The following JAKMIP3 variants were observed in gnomAD, a reference collection of about 807,000 sequenced individuals.
JAKMIP3 encodes janus kinase and microtubule-interacting protein 3.
Under a neutral mutation model 118.5 loss-of-function variants are expected in JAKMIP3, and 58 were observed. The observed-to-expected ratio is 0.49, with a 90% CI of 0.40 to 0.61. JAKMIP3 has a LOEUF of 0.61. JAKMIP3 is among the 20% of genes least tolerant of loss of function. The pLI, the probability that JAKMIP3 is intolerant of heterozygous loss-of-function variation, is 0.00. For synonymous variants in JAKMIP3, 486 were observed against 451.2 expected (o/e 1.08, Z -0.98); for missense variants, 950 against 1,109.0 (o/e 0.86, Z 2.04).
chr10:132,037,913 G>T (rs573950205), intron 1 of JAKMIP3, among the ~76,000 whole-genome samples: 1 of 152,240 alleles, frequency 6.6e-6, no homozygotes, highest in Non-Finnish European at 1.5e-5. Flanking sequence ...AATTGGCCCC[G>T]AGTCGGTTGC....
At chr10:132,126,636 C>G (rs1447720019) in intron 3 of JAKMIP3, among the ~76,000 whole-genome samples, 2 of 152,154 alleles carry the variant, frequency 1.3e-5, no homozygotes, top group African/African-American at 4.8e-5. Flanking sequence ...GCCAGCAATA[C>G]TCTTCATCAG....
intron 1 of JAKMIP3, among the ~76,000 whole-genome samples, chr10:132,054,386 G>A (rs2038181210): frequency 1.3e-5 from 2 of 152,112 alleles, no homozygotes. Context: ...CTTCCTCTGT[G>A]AAGAAGCTCA....
Position 132,117,055 on chromosome 10 carries a change from C to T in JAKMIP3, c.136-22C>T. On this transcript the variant is annotated intron_variant, in intron 2 of 23. Transcript: ENST00000684848. This position sits in a 1 kb window ranked among gnomAD's most constrained non-coding sequence, Gnocchi z 8.6. The stretch of plus-strand genomic sequence containing the variant: ...GCATGGCTGGAGCTCCTGCCACACT[C>T]AGTCTCGCTGTTGTCTTTCAGGTCA... 1.3e-6 allele frequency: 2 copies of T among 1,586,114 alleles called. No homozygotes were observed. The highest frequency in any genetic ancestry group is 1.7e-4 in the Middle Eastern group (1 of 5,940).
Position 132,099,624 on chromosome 10 carries a change from A to C in JAKMIP3, c.-137-5048A>C, listed in dbSNP as rs779837884. Among the ~76,000 whole-genome samples, 236 of 152,268 alleles carry C rather than the reference A, an allele frequency of 1.5e-3. 1 individual carries two copies. The highest frequency in any genetic ancestry group is 2.8e-3 in the Admixed American group (43 of 15,298). ...CATATGCTGTGGGTTTTCCCCGACT[A>C]ACAGGCTCAGGACCCTTATTTTTCC... On this transcript the variant is annotated intron_variant, in intron 1 of 23. Coordinates refer to ENST00000684848, the MANE Select transcript of JAKMIP3 (RefSeq NM_001323087.2).
At position 132,056,798 on chromosome 10, in the gene JAKMIP3, G is replaced by A. The variant is rs375838952; in HGVS notation, c.-138+20060G>A. 2.1e-4 allele frequency among the ~76,000 whole-genome samples: 32 copies of A among 152,286 alleles called. No individual in the cohort carries two copies. The East Asian group carries it at 2.5e-3, about 12-fold the overall frequency. On this transcript the variant is annotated intron_variant, in intron 1 of 23. Coordinates refer to the JAKMIP3 transcript ENST00000657785. Reference sequence around the variant, plus strand: ...GAGGCTGCTGAATGCCAGGGGCATCGCCACCCACACCCACTGCAGGAGGGC... The same window carrying A: ...GAGGCTGCTGAATGCCAGGGGCATCACCACCCACACCCACTGCAGGAGGGC...
At chr10:132,103,370 G>C (rs1432620966) in intron 1 of JAKMIP3, among the ~76,000 whole-genome samples, 1 of 149,022 alleles carries the variant, frequency 6.7e-6, no homozygotes, top group East Asian at 2.0e-4. Context: ...ACATCAGGGG[G>C]AGAGAGGAAC....
rs374475319 is a variant in JAKMIP3, at chr10:132,141,942, A to G, written c.1496A>G (p.Glu499Gly). 11 of 1,594,774 alleles carry G rather than the reference A, an allele frequency of 6.9e-6. No individual in the cohort carries two copies. The highest frequency in any genetic ancestry group is 9.4e-6 in the Non-Finnish European group (11 of 1,171,266). Residue 499 changes from glutamate (E) to glycine (G), a missense_variant, in exon 11 of 24, where the codon GAG becomes GGG. Glu to Gly is a moderately conservative substitution (Grantham distance 98). Coordinates refer to ENST00000684848, the MANE Select transcript of JAKMIP3 (RefSeq NM_001323087.2). ...CAGGGCATGGCCAAGGAGGAGACGG[A>G]GCTGAGGTTCCGGCAGCTGACCATG... ...LEEGMAKEET[E>G]LRFRQLTMEY...
At chr10:132,153,092 G>A (rs2056513582) in intron 17 of JAKMIP3, 69 bp downstream of exon 17, 2 of 1,315,536 alleles carry the variant, frequency 1.5e-6, no homozygotes, top group African/African-American at 2.9e-5. Flanking sequence ...GCTCAGCTCA[G>A]AGGTGGTGAT....
rs376007515 is a variant in JAKMIP3 at position 132,147,948 on chromosome 10, G to A, written c.1750-4G>A. ...CCTCACCTCATGCATCTTTTATGTT[G>A]CAGATCAAACAAATGGAGACGGAAG... is the stretch of plus-strand genomic sequence containing the variant. On this transcript the variant is annotated splice_region_variant and splice_polypyrimidine_tract_variant and intron_variant, in intron 13 of 23. Transcript: ENST00000684848. The A allele has an allele frequency of 5.0e-6, 8 of 1,596,498 alleles. No individual in the cohort carries two copies. In the African/African-American group the frequency reaches 1.1e-4, roughly 21 times the overall value.
intron 11 of JAKMIP3, among the ~76,000 whole-genome samples, chr10:132,142,861 T>C (rs1348000106): frequency 6.6e-6 from 1 of 152,158 alleles, no homozygotes; most frequent in Non-Finnish European, 1.5e-5. Flanking sequence ...AAAACCACCC[T>C]GCAGGGCCAG....
Position 132,117,023 on chromosome 10 carries a change from A to G in JAKMIP3, c.136-54A>G, listed in dbSNP as rs1476006138. 6.4e-7 allele frequency: 1 copy of G among 1,551,310 alleles called. No individual in the cohort carries two copies. Among genetic ancestry groups the G allele is most frequent in the South Asian group, 1.2e-5 (1 of 81,272 alleles). ...TCCCCCAAATGCACATTCAGGTGTG[A>G]GTGTGTGCATGGCTGGAGCTCCTGC... On this transcript the variant is annotated intron_variant, in intron 2 of 23. Transcript: ENST00000684848. This position sits in a 1 kb window ranked among gnomAD's most constrained non-coding sequence, Gnocchi z 8.6.
rs868139810 is a variant in JAKMIP3, at chr10:132,078,629, G to C, written c.-138+12568G>C. On this transcript the variant is annotated intron_variant, in intron 1 of 23. Transcript: ENST00000684848. ...GACCTTCTCTGGGGGCGGGGGGGGGGGGGGGTCCCGTTTCTGGCCATGTGC... is the reference window on the plus strand; with the variant it reads ...GACCTTCTCTGGGGGCGGGGGGGGGCGGGGGTCCCGTTTCTGGCCATGTGC... Among the ~76,000 whole-genome samples the C allele has an allele frequency of 3.3e-5, 5 of 152,022 alleles. 1 individual carries two copies. The highest frequency in any genetic ancestry group is 4.8e-5 in the African/African-American group (2 of 41,384).
chr10:132,177,067 C>T (rs1210320361), intron 23 of JAKMIP3, among the ~76,000 whole-genome samples: 1 of 152,188 alleles, frequency 6.6e-6, no homozygotes, highest in African/African-American at 2.4e-5. Context: ...TGACTTGAAA[C>T]CATGAGTCCC....
rs763075591 is a variant in JAKMIP3, at chr10:132,153,040, G to C, written c.2073+17G>C. 34 of 1,596,810 alleles carry C rather than the reference G, an allele frequency of 2.1e-5. No individual in the cohort carries two copies. Among genetic ancestry groups the C allele is most frequent in the Middle Eastern group, 3.3e-4 (2 of 6,070 alleles). ...GCCGAAAAGGTAACAGCAGCTGTGTGGACAGTCGGGAGAGGGCCGGGCTCC... is the reference window on the plus strand; with the variant it reads ...GCCGAAAAGGTAACAGCAGCTGTGTCGACAGTCGGGAGAGGGCCGGGCTCC... On this transcript the variant is annotated intron_variant, in intron 17 of 23. Transcript: ENST00000684848.
At position 132,140,449 on chromosome 10, in the gene JAKMIP3, A is replaced by G; in HGVS notation, c.1345-2A>G. 3.7e-6 allele frequency: 6 copies of G among 1,613,704 alleles called. No homozygotes were observed. Among genetic ancestry groups the G allele is most frequent in the Non-Finnish European group, 5.1e-6 (6 of 1,179,836 alleles). Reference sequence around the variant, plus strand: ...ACTGACACGTCGCATTTTGGTCACAAGCCGGTGGTTGTGGAGACCTTCTTT... The same window carrying G: ...ACTGACACGTCGCATTTTGGTCACAGGCCGGTGGTTGTGGAGACCTTCTTT... On this transcript the variant is annotated splice_acceptor_variant, in intron 9 of 23. Coordinates refer to ENST00000684848, the MANE Select transcript of JAKMIP3 (RefSeq NM_001323087.2). LOFTEE classifies it high-confidence loss of function.
At chr10:132,101,911 A>G (rs2044992553) in intron 1 of JAKMIP3, among the ~76,000 whole-genome samples, 1 of 151,998 alleles carries the variant, frequency 6.6e-6, no homozygotes, top group African/African-American at 2.4e-5. Flanking sequence ...CCCCCTGGAG[A>G]GTCCCCTTCA....
rs747711162 is a variant in JAKMIP3 at position 132,136,512 on chromosome 10, G to A, written c.1116+436G>A. Among the ~76,000 whole-genome samples, 90 of 152,342 alleles carry A rather than the reference G, an allele frequency of 5.9e-4. 1 individual carries two copies. The highest frequency in any genetic ancestry group is 4.1e-3 in the Admixed American group (62 of 15,296). ...CAAGGCCATGAGCCAGGAGTGGGGG[G>A]CCGTCAGCCGGTGTCACCACGTTCC... On this transcript the variant is annotated intron_variant, in intron 6 of 23. Coordinates refer to ENST00000684848, the MANE Select transcript of JAKMIP3 (RefSeq NM_001323087.2).
chr10:132,068,904 C>T (rs1232008422), intron 1 of JAKMIP3, among the ~76,000 whole-genome samples: 1 of 152,118 alleles, frequency 6.6e-6, no homozygotes, highest in African/African-American at 2.4e-5. Flanking sequence ...AAAAACCGGG[C>T]CTCAAAGTGA....
At chr10:132,155,076 ATGC>A (rs1205880301) in intron 19 of JAKMIP3, among the ~76,000 whole-genome samples, 8 of 10,060 alleles carry the variant, frequency 8.0e-4, no homozygotes, top group African/African-American at 1.9e-3. Context: ...GGTAATGGTG[ATGC>A]TGCTGGAGGT....
Sources: gnomAD v4.1 joint callset for allele counts (sites outside exome capture counted in the v4.1 genomes callset) on GRCh38, gnomAD v4.1.1 for gene constraint, Gnocchi (gnomAD v3.1) non-coding constraint, MANE v1.5 for transcripts, NCBI Gene and HGNC (gene_info 2026-07-23, HGNC 2026-07-21) for gene names.